The following COL4A4 variants were observed in gnomAD, a reference collection of about 807,000 sequenced individuals.
COL4A4 encodes collagen alpha-4(IV) chain.
In COL4A4, 105 loss-of-function variants were observed where a neutral mutation model predicts 192.9. The ratio of observed to expected loss-of-function variants is 0.54; its 90% CI spans 0.46 to 0.64. The LOEUF is 0.64. COL4A4 is among the 30% of genes least tolerant of loss of function. The pLI, the probability that COL4A4 is intolerant of heterozygous loss-of-function variation, is 0.00. For missense variants in COL4A4, 1,967 were observed against 2,169.3 expected (o/e 0.91, Z 1.85); for synonymous variants, 762 against 769.9 (o/e 0.99, Z 0.17).
chr2:227,044,586 T>C (rs1003086622), intron 35 of COL4A4, among the ~76,000 whole-genome samples: 3 of 151,380 alleles, frequency 2.0e-5, no homozygotes, highest in Non-Finnish European at 4.4e-5. Flanking sequence ...AGTAGCATTA[T>C]TCTCATCTAC....
intron 10 of COL4A4, 60 bp from the exon 11 acceptor site, chr2:227,108,928 T>G: frequency 1.3e-6 from 2 of 1,529,092 alleles, no homozygotes; most frequent in Non-Finnish European, 1.8e-6. Context: ...AGAATGTGCC[T>G]TCTTTTGTTA....
At chr2:227,108,921 A>C in intron 10 of COL4A4, 53 bp from the exon 11 acceptor site, 1 of 1,557,214 alleles carries the variant, frequency 6.4e-7, no homozygotes, top group Non-Finnish European at 8.8e-7. Context: ...AGAAATCAGA[A>C]TGTGCCTTCT....
At chr2:227,161,577 T>A (rs1249951048) in intron 1 of COL4A4, among the ~76,000 whole-genome samples, 1 of 152,196 alleles carries the variant, frequency 6.6e-6, no homozygotes, top group Non-Finnish European at 1.5e-5. Flanking sequence ...TGTCAAACAT[T>A]GTTCTAAATG....
intron 47 of COL4A4, 144 bp from the exon 48 acceptor site, chr2:227,007,732 G>A: frequency 8.3e-7 from 1 of 1,197,800 alleles, no homozygotes; most frequent in South Asian, 1.4e-5. Flanking sequence ...CGCTGAAAAG[G>A]AGTCGTACTC....
chr2:227,139,400 T>G (rs2063043640), intron 4 of COL4A4, among the ~76,000 whole-genome samples: 1 of 152,214 alleles, frequency 6.6e-6, no homozygotes. Flanking sequence ...ATTAGAGAAT[T>G]GTTTGATCTA....
chr2:226,989,197 A>T, the COL4A4 span, among the ~76,000 whole-genome samples: 1 of 152,240 alleles, frequency 6.6e-6, no homozygotes, highest in Non-Finnish European at 1.5e-5. Context: ...TAAAATAGAC[A>T]AAGAAATTCT....
the COL4A4 span, chr2:226,988,710 A>G: frequency 4.2e-6 from 4 of 941,768 alleles, no homozygotes; most frequent in Non-Finnish European, 5.1e-6. Flanking sequence ...TACAGACCTC[A>G]TATACATAGA....
At chr2:227,105,630 T>C (rs2060796528) in intron 12 of COL4A4, among the ~76,000 whole-genome samples, 1 of 152,240 alleles carries the variant, frequency 6.6e-6, no homozygotes, top group Non-Finnish European at 1.5e-5. Flanking sequence ...CTTGAATGAA[T>C]TTTGCCACAA....
intron 37 of COL4A4, among the ~76,000 whole-genome samples, chr2:227,036,623 G>T (rs1969728602): frequency 6.6e-6 from 1 of 152,186 alleles, no homozygotes; most frequent in Non-Finnish European, 1.5e-5. Flanking sequence ...ATATGTGAGT[G>T]CCCACTAAGG....
intron 7 of COL4A4, among the ~76,000 whole-genome samples, chr2:227,116,598 A>C (rs1040409375): frequency 6.6e-6 from 1 of 152,254 alleles, no homozygotes; most frequent in Non-Finnish European, 1.5e-5. Flanking sequence ...GAAAATGGTA[A>C]TGCTGGAAAT....
intron 1 of COL4A4, among the ~76,000 whole-genome samples, chr2:227,151,639 C>T (rs2063953488): frequency 1.3e-5 from 2 of 152,212 alleles, no homozygotes; most frequent in African/African-American, 2.4e-5. Flanking sequence ...TTGTGTCCTG[C>T]ACCTCCAATT....
At chr2:227,144,021 T>C (rs1011206224) in intron 3 of COL4A4, among the ~76,000 whole-genome samples, 4 of 152,224 alleles carry the variant, frequency 2.6e-5, no homozygotes, top group African/African-American at 9.6e-5. Flanking sequence ...TTATGTTCAC[T>C]AGAGTGATTT....
At chr2:227,013,942 CCCT>C (rs377715016) in intron 44 of COL4A4, among the ~76,000 whole-genome samples, 4 of 151,900 alleles carry the variant, frequency 2.6e-5, no homozygotes, top group African/African-American at 9.7e-5. Context: ...CTGACCGAAA[CCCT>C]CTACCCTTAA....
intron 35 of COL4A4, among the ~76,000 whole-genome samples, chr2:227,045,482 T>C (rs2396447): frequency 5.6e-5 from 2 of 35,540 alleles, no homozygotes; most frequent in South Asian, 3.2e-3. Context: ...TATTATACTA[T>C]GTCTAGGCCG....
chr2:227,104,909 G>C (rs2060745395), intron 12 of COL4A4, among the ~76,000 whole-genome samples: 1 of 143,910 alleles, frequency 6.9e-6, no homozygotes, highest in African/African-American at 2.5e-5. Context: ...CCAAAGTGCT[G>C]GGATTACAAG....
intron 25 of COL4A4, among the ~76,000 whole-genome samples, chr2:227,070,164 A>G (rs984606597): frequency 2.6e-5 from 4 of 152,188 alleles, no homozygotes; most frequent in African/African-American, 9.7e-5. Context: ...CAAAACCACA[A>G]TGAGATACCA....
At chr2:227,067,575 A>G (rs1576283647) in intron 25 of COL4A4, among the ~76,000 whole-genome samples, 1 of 152,060 alleles carries the variant, frequency 6.6e-6, no homozygotes, top group East Asian at 1.9e-4. Context: ...ACTCAAAACC[A>G]CTCAACTACA....
At chr2:227,092,693 A>G (rs1022981468) in intron 20 of COL4A4, among the ~76,000 whole-genome samples, 5 of 152,136 alleles carry the variant, frequency 3.3e-5, no homozygotes, top group African/African-American at 9.7e-5. Flanking sequence ...AATAATTTAT[A>G]CTTTATATGG....
chr2:226,987,772 G>C, the COL4A4 span, among the ~76,000 whole-genome samples: 309 of 152,312 alleles, frequency 2.0e-3, no homozygotes, highest in Admixed American at 3.0e-3. Context: ...TCAGTGACTT[G>C]ATATATTATC....
Sources: allele counts gnomAD v4.1 joint callset (sites outside exome capture counted in the v4.1 genomes callset), GRCh38; gene constraint gnomAD v4.1.1; transcripts MANE v1.5; gene names NCBI Gene and HGNC (gene_info 2026-07-23, HGNC 2026-07-21).